CLINT1: variants seen among roughly 807,000 people sequenced by gnomAD.
The protein encoded by CLINT1 is clathrin interactor 1, also known as clathrin interacting protein localized in the trans-Golgi region.
In CLINT1, 15 loss-of-function variants were observed where a neutral mutation model predicts 70.4. That is an observed-to-expected ratio of 0.21 (90% CI 0.14 to 0.33). The LOEUF (loss-of-function observed/expected upper bound fraction) is 0.33. CLINT1 is among the 10% of genes least tolerant of loss of function. The pLI is 1.00. For synonymous variants in CLINT1, 227 were observed against 254.7 expected (o/e 0.89, Z 1.04); for missense variants, 615 against 778.1 (o/e 0.79, Z 2.49).
At chr5:157,828,282 T>C (rs575294670) in intron 1 of CLINT1, among the ~76,000 whole-genome samples, 9 of 152,290 alleles carry the variant, frequency 5.9e-5, no homozygotes, top group Admixed American at 4.6e-4. Context: ...CTGGAGGGGC[T>C]GTTTTGTGGC....
At chr5:157,788,968 G>GAAAAAAAAAAAAAAAAAAAA (rs58634730) in intron 11 of CLINT1, among the ~76,000 whole-genome samples, 6 of 95,596 alleles carry the variant, frequency 6.3e-5, no homozygotes, top group South Asian at 3.4e-4. Flanking sequence ...CTCCATCTCA[G>GAAAAAAAAAAAAAAAAAAAA]AAAAAAAAAA....
intron 1 of CLINT1, among the ~76,000 whole-genome samples, chr5:157,846,552 G>C (rs991236425): frequency 6.6e-6 from 1 of 152,238 alleles, no homozygotes; most frequent in Non-Finnish European, 1.5e-5. Context: ...AGGTGAAACA[G>C]TAAGTGCTGA....
chr5:157,855,691 T>C (rs1753735802), intron 1 of CLINT1, among the ~76,000 whole-genome samples: 1 of 152,116 alleles, frequency 6.6e-6, no homozygotes, highest in South Asian at 2.1e-4. Flanking sequence ...CATTATCACT[T>C]TGAGTAGCTG....
At chr5:157,793,398 T>C (rs899851204) in intron 9 of CLINT1, among the ~76,000 whole-genome samples, 3 of 152,170 alleles carry the variant, frequency 2.0e-5, no homozygotes, top group African/African-American at 7.2e-5. Flanking sequence ...AAACTTCATA[T>C]CTGAAATGAT....
At chr5:157,793,967 T>A (rs940309978) in intron 9 of CLINT1, among the ~76,000 whole-genome samples, 1 of 152,146 alleles carries the variant, frequency 6.6e-6, no homozygotes, top group South Asian at 2.1e-4. Flanking sequence ...CCTCACCTCA[T>A]GTTTAAGATT....
intron 7 of CLINT1, among the ~76,000 whole-genome samples, chr5:157,804,929 C>T (rs1395432764): frequency 9.9e-6 from 1 of 101,386 alleles, no homozygotes; most frequent in African/African-American, 3.2e-5. Flanking sequence ...CTCGGTCTTC[C>T]AAAAAAAGAA....
At chr5:157,813,953 T>C (rs1215886250) in intron 4 of CLINT1, among the ~76,000 whole-genome samples, 1 of 152,204 alleles carries the variant, frequency 6.6e-6, no homozygotes, top group East Asian at 1.9e-4. Flanking sequence ...TATTTTAATA[T>C]AAACCCGAAC....
Position 157,805,897 on chromosome 5 carries a change from G to T in CLINT1, c.911C>A (p.Ala304Asp). 3 of 1,613,976 alleles carry T rather than the reference G, an allele frequency of 1.9e-6. No individual in the cohort carries two copies. Among genetic ancestry groups the T allele is most frequent in the South Asian group, 2.2e-5 (2 of 91,084 alleles). ...TGAAGACTGAGGTGTGTGGGTTGAAGCATTCTGATCTGGACTTGCTTTGTC... is the reference window on the plus strand; with the variant it reads ...TGAAGACTGAGGTGTGTGGGTTGAATCATTCTGATCTGGACTTGCTTTGTC... Reference protein sequence around the residue: ...TGDKASPDQNASTHTPQSSVK... With the variant: ...TGDKASPDQNDSTHTPQSSVK... The change falls in exon 7 of 12, where the codon GCT becomes GAT. Residue 304 changes from alanine (A) to aspartate (D), a missense_variant. Ala to Asp is a moderately radical substitution (Grantham distance 126). This residue lies in a region of CLINT1 where 374 missense variants were observed against 409.6 expected (regional missense o/e 0.91). Coordinates refer to ENST00000411809, the MANE Select transcript of CLINT1 (RefSeq NM_014666.4).
intron 6 of CLINT1, 75 bp downstream of exon 6, chr5:157,809,553 A>C (rs1346467845): frequency 9.5e-6 from 13 of 1,369,778 alleles, no homozygotes; most frequent in Non-Finnish European, 1.3e-5. Flanking sequence ...AACAAAACCA[A>C]CAAAAAACCA....
intron 8 of CLINT1, among the ~76,000 whole-genome samples, chr5:157,802,276 G>A (rs192983543): frequency 6.6e-6 from 1 of 152,186 alleles, no homozygotes; most frequent in African/African-American, 2.4e-5. Context: ...CCATCTTACT[G>A]TCTACATTTT....
At chr5:157,830,765 T>TCC (rs1561662787) in intron 1 of CLINT1, among the ~76,000 whole-genome samples, 64 of 88,680 alleles carry the variant, frequency 7.2e-4, no homozygotes, top group Non-Finnish European at 1.2e-3. Flanking sequence ...TCCCTCTCTC[T>TCC]CTCTCTCTCT....
At position 157,859,117 on chromosome 5, in the gene CLINT1, G is replaced by C; in HGVS notation, c.-147C>G. The C allele has an allele frequency of 2.6e-6, 2 of 775,988 alleles. No individual in the cohort carries two copies. Among genetic ancestry groups the C allele is most frequent in the Non-Finnish European group, 3.9e-6 (2 of 511,676 alleles). The allele number at this position is 775,988 out of a possible 1,614,324, so 48.1% of individuals were successfully genotyped here. On this transcript the variant is annotated 5_prime_UTR_variant, in exon 1 of 12. Coordinates refer to ENST00000411809, the MANE Select transcript of CLINT1 (RefSeq NM_014666.4). Reference sequence around the variant, plus strand: ...GTCAGCTCCTTCCTTTGCCACAGCAGCGGCGCCGCCGGTGACACGTCGAGA... The same window carrying C: ...GTCAGCTCCTTCCTTTGCCACAGCACCGGCGCCGCCGGTGACACGTCGAGA...
intron 1 of CLINT1, among the ~76,000 whole-genome samples, chr5:157,830,743 C>CCTCCCTCTCT (rs1361861695): frequency 3.3e-5 from 4 of 122,690 alleles, no homozygotes; most frequent in South Asian, 5.4e-4. Flanking sequence ...TCTCCCTGCC[C>CCTCCCTCTCT]CTCCCTCTCT....
At chr5:157,817,383 T>C (rs2113218422) in intron 2 of CLINT1, 60 bp downstream of exon 2, 4 of 1,057,010 alleles carry the variant, frequency 3.8e-6, no homozygotes, top group Non-Finnish European at 4.2e-6. Flanking sequence ...GCAAATTTCA[T>C]ATTTCTGTGT....
In CLINT1 at chr5:157,787,418, A is replaced by G. The variant is rs1761758518; in HGVS notation, c.*228T>C. ...TGGTCTCACCACCCACTTGTGGTCT[A>G]TCCTCACTGGAAAAAAATGATTTTG... On this transcript the variant is annotated 3_prime_UTR_variant, in exon 12 of 12. Coordinates refer to ENST00000411809, the MANE Select transcript of CLINT1 (RefSeq NM_014666.4). The G allele has an allele frequency of 3.5e-6, 2 of 570,678 alleles. No homozygotes were observed. The highest frequency in any genetic ancestry group is 3.1e-6 in the Non-Finnish European group (1 of 321,398). The allele number at this position is 570,678 out of a possible 1,614,324, so 35.4% of individuals were successfully genotyped here. A position where few individuals can be genotyped will look rare whatever the true frequency, so the allele number is the denominator to read the frequency against.
chr5:157,830,826 T>G (rs1267726709), intron 1 of CLINT1, among the ~76,000 whole-genome samples: 1 of 130,312 alleles, frequency 7.7e-6, no homozygotes, highest in Non-Finnish European at 1.6e-5. Flanking sequence ...AGAAACACAT[T>G]TAAGCCTGGG....
chr5:157,815,919 G>A (rs555282733), intron 3 of CLINT1, among the ~76,000 whole-genome samples: 2 of 152,282 alleles, frequency 1.3e-5, no homozygotes, highest in South Asian at 4.1e-4. Context: ...TGACATATAA[G>A]CAGACCATCA....
At chr5:157,811,841 C>A (rs371773243) in intron 5 of CLINT1, among the ~76,000 whole-genome samples, 2 of 152,120 alleles carry the variant, frequency 1.3e-5, no homozygotes, top group Non-Finnish European at 2.9e-5. Flanking sequence ...TAAGTTGCTA[C>A]AACTACTTTG....
At chr5:157,850,612 CAAAAAAAAAAAAA>C (rs67243040) in intron 1 of CLINT1, among the ~76,000 whole-genome samples, 1 of 60,354 alleles carries the variant, frequency 1.7e-5, no homozygotes, top group East Asian at 5.6e-4. Flanking sequence ...GACCCTGTCT[CAAAAAAAAAAAAA>C]AAAAAAAAAA....
Sources: allele counts gnomAD v4.1 joint callset (sites outside exome capture counted in the v4.1 genomes callset), GRCh38; gene constraint gnomAD v4.1.1; regional missense constraint gnomAD v4.1.1; transcripts MANE v1.5; gene names NCBI Gene and HGNC (gene_info 2026-07-23, HGNC 2026-07-21).